CADPS2: variants seen among roughly 807,000 people sequenced by gnomAD.
CADPS2 encodes the protein calcium-dependent secretion activator 2.
CADPS2 carries 93 observed loss-of-function variants against 172.5 expected under a neutral mutation model. The observed-to-expected ratio is 0.54, with a 90% CI of 0.46 to 0.64. The LOEUF (loss-of-function observed/expected upper bound fraction) is 0.64. Ranked by LOEUF, CADPS2 falls within the 30% of genes least tolerant of loss-of-function variation. The pLI, the probability that CADPS2 is intolerant of heterozygous loss-of-function variation, is 0.00. For missense variants in CADPS2, 1,420 were observed against 1,565.9 expected (o/e 0.91, Z 1.57); for synonymous variants, 546 against 555.2 (o/e 0.98, Z 0.23).
In CADPS2 at chr7:122,664,230, G is replaced by A. The variant is rs989434923; in HGVS notation, c.454-661C>T. On this transcript the variant is annotated intron_variant, in intron 2 of 29. Coordinates refer to ENST00000449022, the MANE Select transcript of CADPS2 (RefSeq NM_017954.11). Reference sequence around the variant, plus strand: ...ACAGTAGGGTAAGTCTAATATCCAAGTCAATATTCATCATATGTAATTTTT... The same window carrying A: ...ACAGTAGGGTAAGTCTAATATCCAAATCAATATTCATCATATGTAATTTTT... Among the ~76,000 whole-genome samples the A allele has an allele frequency of 5.3e-5, 8 of 152,194 alleles. No individual in the cohort carries two copies. The South Asian group carries it at 1.7e-3, about 32-fold the overall frequency.
At chr7:122,850,227 C>T in intron 1 of CADPS2, 3 of 1,051,486 alleles carry the variant, frequency 2.9e-6, no homozygotes. Flanking sequence ...GTGACAGGGA[C>T]CCAGAGGCCC....
chr7:122,660,479 A>C (rs1176579187), intron 3 of CADPS2, among the ~76,000 whole-genome samples: 1 of 152,202 alleles, frequency 6.6e-6, no homozygotes, highest in Non-Finnish European at 1.5e-5. Context: ...GGGAGGGCAA[A>C]GAACAAATGC....
intron 15 of CADPS2, among the ~76,000 whole-genome samples, chr7:122,448,399 A>G (rs1011044854): frequency 6.6e-6 from 1 of 152,186 alleles, no homozygotes. Context: ...GATTATTACA[A>G]TTCAAGGTAA....
intron 1 of CADPS2, among the ~76,000 whole-genome samples, chr7:122,803,137 A>G (rs901436411): frequency 2.6e-5 from 4 of 152,192 alleles, no homozygotes; most frequent in Non-Finnish European, 5.9e-5. Flanking sequence ...TTGTCACAAC[A>G]TATATAAACT....
At chr7:122,392,980 C>T (rs2044571909) in intron 22 of CADPS2, among the ~76,000 whole-genome samples, 1 of 151,948 alleles carries the variant, frequency 6.6e-6, no homozygotes, top group Non-Finnish European at 1.5e-5. Context: ...ATATGAACTA[C>T]ATTAAACTAG....
At chr7:122,736,646 T>C (rs2092173203) in intron 2 of CADPS2, among the ~76,000 whole-genome samples, 1 of 152,206 alleles carries the variant, frequency 6.6e-6, no homozygotes, top group African/African-American at 2.4e-5. Context: ...TTTAAAAGGA[T>C]AATTTAGACA....
At position 122,869,781 on chromosome 7, in the gene CADPS2, C is replaced by T. The variant is rs115826207; in HGVS notation, c.339+16218G>A. 2.9e-3 allele frequency among the ~76,000 whole-genome samples: 435 copies of T among 152,132 alleles called. 2 individuals are homozygous for T. The highest frequency in any genetic ancestry group is 9.8e-3 in the African/African-American group (409 of 41,540). ...AGAGCTTTAATAATTTGCTAACTGA[C>T]ACAAACAGTAAAAGATACAAAATAT... On this transcript the variant is annotated intron_variant, in intron 1 of 29. Coordinates refer to ENST00000449022, the MANE Select transcript of CADPS2 (RefSeq NM_017954.11).
intron 1 of CADPS2, among the ~76,000 whole-genome samples, chr7:122,822,333 T>G (rs1803557875): frequency 1.3e-5 from 2 of 151,958 alleles, no homozygotes. Flanking sequence ...AGACAAATGT[T>G]TCTTCTAATA....
At chr7:122,679,038 G>A (rs1564041421) in intron 2 of CADPS2, among the ~76,000 whole-genome samples, 3 of 152,034 alleles carry the variant, frequency 2.0e-5, no homozygotes, top group South Asian at 2.1e-4. Flanking sequence ...CAAATTGTTC[G>A]TAAAGCATGT....
chr7:122,411,199 A>G (rs960072452), intron 19 of CADPS2, among the ~76,000 whole-genome samples: 2 of 148,384 alleles, frequency 1.3e-5, no homozygotes, highest in African/African-American at 2.5e-5. Context: ...TCTACTTTTT[A>G]TTAAAACCTG....
intron 17 of CADPS2, 75 bp downstream of exon 17, chr7:122,438,266 A>C: frequency 6.4e-7 from 1 of 1,568,068 alleles, no homozygotes; most frequent in Non-Finnish European, 8.8e-7. Context: ...AAAGGAAAGG[A>C]CTTCTCATAG....
At chr7:122,456,684 C>T (rs2053820670) in intron 14 of CADPS2, among the ~76,000 whole-genome samples, 1 of 152,114 alleles carries the variant, frequency 6.6e-6, no homozygotes, top group South Asian at 2.1e-4. Context: ...CCACTGAGGC[C>T]TGATCTTAAC....
intron 8 of CADPS2, among the ~76,000 whole-genome samples, chr7:122,523,659 T>C (rs1457059759): frequency 1.3e-5 from 2 of 152,190 alleles, no homozygotes; most frequent in African/African-American, 4.8e-5. Flanking sequence ...AGTTAATTAA[T>C]ATATGCATTA....
Position 122,638,006 on chromosome 7 carries a change from C to G in CADPS2, c.787-8678G>C, listed in dbSNP as rs1185119764. On this transcript the variant is annotated intron_variant, in intron 3 of 29. Transcript: ENST00000449022. ...AAGAGTGGTGGCTGGCAGATAGCCT[C>G]TAACTCAGCCATGTAGCTCTGTTGT... is the stretch of plus-strand genomic sequence containing the variant. Among the ~76,000 whole-genome samples the G allele has an allele frequency of 2.6e-5, 4 of 152,312 alleles. No homozygotes were observed. In the East Asian group the frequency reaches 7.7e-4, roughly 29 times the overall value.
chr7:122,776,487 T>C (rs1344176803), intron 1 of CADPS2, among the ~76,000 whole-genome samples: 1 of 151,028 alleles, frequency 6.6e-6, no homozygotes, highest in Non-Finnish European at 1.5e-5. Context: ...GGTACTGCTA[T>C]AAGGATACCC....
At chr7:122,626,680 G>A (rs1230955477) in intron 4 of CADPS2, among the ~76,000 whole-genome samples, 1 of 152,138 alleles carries the variant, frequency 6.6e-6, no homozygotes, top group Non-Finnish European at 1.5e-5. Flanking sequence ...CCAGGGCCTG[G>A]CAGAAATATT....
chr7:122,485,393 A>G (rs1449992324), intron 11 of CADPS2, among the ~76,000 whole-genome samples: 2 of 152,218 alleles, frequency 1.3e-5, no homozygotes, highest in African/African-American at 4.8e-5. Context: ...TAAGAAAGCA[A>G]AACAGCCTTA....
intron 1 of CADPS2, among the ~76,000 whole-genome samples, chr7:122,805,952 A>T (rs1469188832): frequency 6.6e-6 from 1 of 152,232 alleles, no homozygotes; most frequent in Non-Finnish European, 1.5e-5. Context: ...TGCCAACAAA[A>T]TAGCCCTTTC....
intron 20 of CADPS2, among the ~76,000 whole-genome samples, chr7:122,406,709 G>A (rs2046689738): frequency 6.6e-6 from 1 of 152,156 alleles, no homozygotes; most frequent in Non-Finnish European, 1.5e-5. Flanking sequence ...GACAACTGTT[G>A]CATTGATCAA....
Sources: allele counts gnomAD v4.1 joint callset (sites outside exome capture counted in the v4.1 genomes callset), GRCh38; gene constraint gnomAD v4.1.1; transcripts MANE v1.5; gene names NCBI Gene and HGNC (gene_info 2026-07-23, HGNC 2026-07-21).